The following DISP3 variants were observed in gnomAD, a reference collection of about 807,000 sequenced individuals.
DISP3 encodes dispatched RND transporter family member 3, also known as protein dispatched homolog 3.
Under a neutral mutation model 135.3 loss-of-function variants are expected in DISP3, and 101 were observed. That is an observed-to-expected ratio of 0.75 (90% CI 0.64 to 0.88). The LOEUF (loss-of-function observed/expected upper bound fraction) is 0.88, where lower values mean the gene tolerates loss of function less well. Ranked by LOEUF, DISP3 falls within the 40% of genes least tolerant of loss-of-function variation. The pLI, the probability that DISP3 is intolerant of heterozygous loss-of-function variation, is 0.00. For synonymous variants in DISP3, 856 were observed against 817.0 expected (o/e 1.05, Z -0.81); for missense variants, 1,713 against 1,878.6 (o/e 0.91, Z 1.63).
chr1:11,526,894 T>C, intron 13 of DISP3, 59 bp downstream of exon 13: 1 of 1,522,642 alleles, frequency 6.6e-7, no homozygotes. Context: ...TTTGCCCTTT[T>C]CTCTCTTTTC....
intron 1 of DISP3, among the ~76,000 whole-genome samples, chr1:11,496,066 A>T (rs1641322358): frequency 6.6e-6 from 1 of 152,116 alleles, no homozygotes; most frequent in African/African-American, 2.4e-5. Context: ...ATCCTCCCAA[A>T]CAGGTTACTG....
At position 11,501,140 on chromosome 1, in the gene DISP3, C is replaced by G; in HGVS notation, c.148C>G (p.Pro50Ala). The stretch of plus-strand genomic sequence containing the variant: ...GGGACAGTGTTGCTGGCGGCACTGG[C>G]CCCTGGCTTCCCGACCCCCAGCTTC... ...AGGQCCWRHW[P>A]LASRPPASGF... Residue 50 changes from proline to alanine, a missense_variant, in exon 2 of 21, where the codon CCC becomes GCC. Around this residue, in one of 2 missense-constraint regions of DISP3, gnomAD observed 571 missense variants for 494.1 expected, o/e 1.16. Coordinates refer to ENST00000294484, the MANE Select transcript of DISP3 (RefSeq NM_020780.2). This position sits in a 1 kb window ranked among gnomAD's most constrained non-coding sequence, Gnocchi z 4.9. 1 of 1,613,790 alleles carries G rather than the reference C, an allele frequency of 6.2e-7. No individual in the cohort carries two copies. Among genetic ancestry groups the G allele is most frequent in the South Asian group, 1.1e-5 (1 of 91,050 alleles).
chr1:11,531,043 G>T lies in DISP3; in HGVS notation c.3229+10G>T, dbSNP rs200814697. 154 of 1,613,050 alleles carry T rather than the reference G, an allele frequency of 9.5e-5. No homozygotes were observed. The highest frequency in any genetic ancestry group is 1.2e-4 in the Non-Finnish European group (147 of 1,179,882). On this transcript the variant is annotated intron_variant, in intron 16 of 20. Coordinates refer to ENST00000294484, the MANE Select transcript of DISP3 (RefSeq NM_020780.2). This position sits in a 1 kb window ranked among gnomAD's most constrained non-coding sequence, Gnocchi z 5.2. ...CAGTGCCTGCCTTCAGGTGCGTGGG[G>T]TGTGGGGAGCTGGTTCCTCCGAGGG...
At chr1:11,513,478 C>CA (rs1367659410) in intron 3 of DISP3, among the ~76,000 whole-genome samples, 1 of 152,108 alleles carries the variant, frequency 6.6e-6, no homozygotes, top group Non-Finnish European at 1.5e-5. Context: ...TTCCCACGTA[C>CA]CCTGTTTTTA....
intron 10 of DISP3, among the ~76,000 whole-genome samples, chr1:11,521,785 T>C (rs116071744): frequency 2.7e-3 from 418 of 152,234 alleles, no homozygotes; most frequent in African/African-American, 9.6e-3. Flanking sequence ...GAGAGGCAGC[T>C]GCAGGAACTA....
chr1:11,501,648 A>G lies in DISP3; in HGVS notation c.656A>G (p.Glu219Gly). ...PLEDLAANQS[E>G]DPRNQRLSKN... ...GAGGATCTGGCAGCCAACCAGAGTGAAGACCCGCGAAACCAGCGGCTGAGC... is the reference window on the plus strand; with the variant it reads ...GAGGATCTGGCAGCCAACCAGAGTGGAGACCCGCGAAACCAGCGGCTGAGC... The change falls in exon 2 of 21, where the codon GAA becomes GGA. Residue 219 changes from glutamate (E) to glycine (G), a missense_variant. Physicochemically the swap from Glu to Gly is moderately conservative, Grantham distance 98. Transcript: ENST00000294484. The surrounding 1 kb of genome is among the most constrained non-coding windows in gnomAD (Gnocchi z 4.9). 3 of 1,609,380 alleles carry G rather than the reference A, an allele frequency of 1.9e-6. No homozygotes were observed. Among genetic ancestry groups the G allele is most frequent in the Non-Finnish European group, 2.5e-6 (3 of 1,178,472 alleles).
At chr1:11,496,264 G>C (rs966922643) in intron 1 of DISP3, among the ~76,000 whole-genome samples, 1 of 152,190 alleles carries the variant, frequency 6.6e-6, no homozygotes, top group African/African-American at 2.4e-5. Flanking sequence ...TTTCCCAAGA[G>C]GAGGATGGTT....
At position 11,501,750 on chromosome 1, in the gene DISP3, C is replaced by G. The variant is rs774694761; in HGVS notation, c.758C>G (p.Ala253Gly). 3.3e-5 allele frequency: 53 copies of G among 1,591,988 alleles called. No individual in the cohort carries two copies. Among genetic ancestry groups the G allele is most frequent in the South Asian group, 5.6e-5 (5 of 88,998 alleles). ...AATCAGAGCCGTGCCCGCCGAGGCG[C>G]CTCGCGCTGGGACTACTCGCGCGCC... ...AANQSRARRGASRWDYSRAYV... is the reference protein window; with the variant it reads ...AANQSRARRGGSRWDYSRAYV... The change falls in exon 2 of 21, where the codon GCC (alanine) becomes GGC (glycine). Residue 253 changes from alanine (A) to glycine (G), a missense_variant. Physicochemically the swap from Ala to Gly is moderately conservative, Grantham distance 60. Coordinates refer to ENST00000294484, the MANE Select transcript of DISP3 (RefSeq NM_020780.2). This position sits in a 1 kb window ranked among gnomAD's most constrained non-coding sequence, Gnocchi z 4.9.
Position 11,523,984 on chromosome 1 carries a change from G to A in DISP3, c.2405G>A (p.Arg802Gln), listed in dbSNP as rs752172755. 8.1e-6 allele frequency: 13 copies of A among 1,613,466 alleles called. No individual in the cohort carries two copies. The highest frequency in any genetic ancestry group is 2.2e-5 in the East Asian group (1 of 44,826). Residue 802 changes from arginine to glutamine, a missense_variant, in exon 11 of 21, where the codon CGG becomes CAG. Transcript: ENST00000294484. ...CCCCACAGCCTGCAGAACAACATCC[G>A]GACGTCCCTGGAGAAGAAGAGGCGA... The part of the protein sequence containing the change: ...EKPHSLQNNI[R>Q]TSLEKKRRGS...
chr1:11,514,253 G>C, intron 3 of DISP3, 137 bp from the exon 4 acceptor site: 2 of 1,032,584 alleles, frequency 1.9e-6, no homozygotes, highest in South Asian at 3.0e-5. Flanking sequence ...AAGCCCCCAG[G>C]TGATTTTGAT....
rs1641193113 is a variant in DISP3 at position 11,491,863 on chromosome 1, C to T, written c.-3-9127C>T. Among the ~76,000 whole-genome samples the T allele has an allele frequency of 1.3e-5, 2 of 152,188 alleles. No individual in the cohort carries two copies. The highest frequency in any genetic ancestry group is 2.9e-5 in the Non-Finnish European group (2 of 67,996). ...ATTGGCCGGGCGCGGTGGCTCACGC[C>T]TGTAATCCCAGCACTTTGGGAGGCC... On this transcript the variant is annotated intron_variant, in intron 1 of 20. Transcript: ENST00000294484. This position sits in a 1 kb window ranked among gnomAD's most constrained non-coding sequence, Gnocchi z 4.3.
intron 1 of DISP3, chr1:11,481,636 C>T (rs1289918321): frequency 6.6e-6 from 1 of 152,248 alleles, no homozygotes; most frequent in Non-Finnish European, 1.5e-5. Flanking sequence ...GGGCAAACTA[C>T]TTCCCTTCTC....
At chr1:11,492,398 G>A (rs1216008047) in intron 1 of DISP3, among the ~76,000 whole-genome samples, 3 of 152,172 alleles carry the variant, frequency 2.0e-5, no homozygotes, top group African/African-American at 4.8e-5. Flanking sequence ...TAAATATTGA[G>A]CCATTGGGTT....
intron 1 of DISP3, among the ~76,000 whole-genome samples, chr1:11,480,003 G>C (rs1222486815): frequency 6.6e-6 from 1 of 152,224 alleles, no homozygotes; most frequent in Admixed American, 6.5e-5. Context: ...GGTGGAGGTG[G>C]AGTGGGCAGC....
chr1:11,528,021 G>A (rs760939161), intron 13 of DISP3, among the ~76,000 whole-genome samples: 2 of 152,132 alleles, frequency 1.3e-5, no homozygotes, highest in African/African-American at 2.4e-5. Context: ...ATTTGGTGCC[G>A]CCTCCCCAGC....
At position 11,483,447 on chromosome 1, in the gene DISP3, G is replaced by A. The variant is rs932929094; in HGVS notation, c.-4+4075G>A. 2.0e-5 allele frequency among the ~76,000 whole-genome samples: 3 copies of A among 152,206 alleles called. No homozygotes were observed. Among genetic ancestry groups the A allele is most frequent in the African/African-American group, 4.8e-5 (2 of 41,442 alleles). On this transcript the variant is annotated intron_variant, in intron 1 of 20. Coordinates refer to ENST00000294484, the MANE Select transcript of DISP3 (RefSeq NM_020780.2). This position sits in a 1 kb window ranked among gnomAD's most constrained non-coding sequence, Gnocchi z 5.4. ...ATGAATTGTCATCCTCACTTAATGT[G>A]TGGGAAAAACAAAGTTCAGAGAAGT...
Position 11,526,644 on chromosome 1 carries a change from T to C in DISP3, c.2614-7T>C, listed in dbSNP as rs1319927672. ...ATGTGTCTTGTCTCTGTCAACCCAC[T>C]GCTTAGGTGTATAGAGCGCCTTTTG... On this transcript the variant is annotated splice_region_variant and splice_polypyrimidine_tract_variant and intron_variant, in intron 12 of 20. Transcript: ENST00000294484. The C allele has an allele frequency of 6.2e-7, 1 of 1,607,506 alleles. No homozygotes were observed. Among genetic ancestry groups the C allele is most frequent in the South Asian group, 1.1e-5 (1 of 90,954 alleles).
intron 7 of DISP3, among the ~76,000 whole-genome samples, chr1:11,518,853 CCA>C (rs1199027123): frequency 6.6e-6 from 1 of 152,112 alleles, no homozygotes; most frequent in East Asian, 1.9e-4. Flanking sequence ...GTGGTATTAG[CCA>C]CACACACAGC....
chr1:11,499,067 C>T lies in DISP3; in HGVS notation c.-3-1923C>T, dbSNP rs1641425113. Among the ~76,000 whole-genome samples the T allele has an allele frequency of 6.6e-6, 1 of 152,222 alleles. No individual in the cohort carries two copies. Among genetic ancestry groups the T allele is most frequent in the African/African-American group, 2.4e-5 (1 of 41,528 alleles). On this transcript the variant is annotated intron_variant, in intron 1 of 20. Transcript: ENST00000294484. This position sits in a 1 kb window ranked among gnomAD's most constrained non-coding sequence, Gnocchi z 5.2. ...TGGGAAAGCTTCTTGGAAGAGGTAA[C>T]GCTTGAGCAAGGACTTGCATGATGA...
Sources: allele counts gnomAD v4.1 joint callset (sites outside exome capture counted in the v4.1 genomes callset), GRCh38; gene constraint gnomAD v4.1.1; regional missense constraint gnomAD v4.1.1; non-coding constraint Gnocchi (gnomAD v3.1); transcripts MANE v1.5; gene names NCBI Gene and HGNC (gene_info 2026-07-23, HGNC 2026-07-21).